The following DIAPH2 variants were observed in gnomAD, a reference collection of about 807,000 sequenced individuals.
The protein encoded by DIAPH2 is protein diaphanous homolog 2.
A neutral mutation model predicts 92.7 loss-of-function variants in DIAPH2; 35 were observed. The ratio of observed to expected loss-of-function variants is 0.38; its 90% CI spans 0.29 to 0.50. The LOEUF is 0.50. Among genes scored for constraint, DIAPH2 ranks in the 20% least tolerant of loss-of-function variants. DIAPH2 has a pLI of 0.94. For missense variants in DIAPH2, 701 were observed against 819.5 expected, an observed-to-expected ratio of 0.86 and a Z score of 1.77; for synonymous variants, 301 against 280.4, an observed-to-expected ratio of 1.07 and a Z score of -0.73.
Position 97,149,297 on chromosome X carries a change from T to C in DIAPH2, c.2719+7503T>C, listed in dbSNP as rs143391425. On this transcript the variant is annotated intron_variant, in intron 22 of 26. Coordinates refer to ENST00000324765, the MANE Select transcript of DIAPH2 (RefSeq NM_006729.5). ...ACTTTTTAGAAGCACAGAATGATAA[T>C]ATACCAATGTGACAAAATGTTAGTA... Among the ~76,000 whole-genome samples, 490 of 111,935 alleles carry C rather than the reference T, an allele frequency of 4.4e-3. 1 individual carries two copies. The highest frequency in any genetic ancestry group is 6.5e-3 in the Non-Finnish European group (346 of 53,180).
rs186148412 is a variant in DIAPH2, at chrX:97,523,760, T to A, written c.3242-75493T>A. Among the ~76,000 whole-genome samples, 9 of 111,804 alleles carry A rather than the reference T, an allele frequency of 8.0e-5. No homozygotes were observed. In the East Asian group the frequency reaches 2.5e-3, roughly 31 times the overall value. On this transcript the variant is annotated intron_variant, in intron 26 of 26. Transcript: ENST00000324765. ...TGTGGTTTCCATTTTGTAATTTTTTTATGATCTATTTCATTTCTGTTTTCT... is the reference window on the plus strand; with the variant it reads ...TGTGGTTTCCATTTTGTAATTTTTTAATGATCTATTTCATTTCTGTTTTCT...
At chrX:97,115,423 C>G (rs780279608) in intron 21 of DIAPH2, among the ~76,000 whole-genome samples, 19 of 110,627 alleles carry the variant, frequency 1.7e-4, no homozygotes, top group Non-Finnish European at 3.2e-4. Flanking sequence ...GTAATCCCAG[C>G]TACTCTGGAG....
chrX:97,536,288 C>T (rs1447843137), intron 26 of DIAPH2, among the ~76,000 whole-genome samples: 1 of 111,934 alleles, frequency 8.9e-6, no homozygotes, highest in African/African-American at 3.2e-5. Flanking sequence ...TGGAATTTTC[C>T]ATGAAGAGCC....
chrX:97,569,165 ATAAAAT>A (rs1049972093), intron 26 of DIAPH2, among the ~76,000 whole-genome samples: 61 of 111,932 alleles, frequency 5.4e-4, no homozygotes, highest in African/African-American at 1.9e-3. Flanking sequence ...CCATATATAA[ATAAAAT>A]TAAGGTAAGG....
chrX:97,392,394 G>T (rs1478277357), intron 25 of DIAPH2, among the ~76,000 whole-genome samples: 2 of 111,868 alleles, frequency 1.8e-5, no homozygotes, highest in African/African-American at 6.5e-5. Context: ...TTTTGTCAGA[G>T]AAATAAAATA....
At chrX:97,103,099 T>G (rs1002141823) in intron 20 of DIAPH2, among the ~76,000 whole-genome samples, 7 of 112,179 alleles carry the variant, frequency 6.2e-5, no homozygotes, top group African/African-American at 2.3e-4. Flanking sequence ...TGTGGGTGTG[T>G]ATGTGATGCT....
intron 22 of DIAPH2, among the ~76,000 whole-genome samples, chrX:97,206,865 C>G (rs2067801050): frequency 9.0e-6 from 1 of 111,672 alleles, no homozygotes; most frequent in Non-Finnish European, 1.9e-5. Context: ...ATATTAAAAG[C>G]ATCCTTTCCA....
At chrX:96,736,035 T>C (rs2064085528) in intron 2 of DIAPH2, among the ~76,000 whole-genome samples, 1 of 111,856 alleles carries the variant, frequency 8.9e-6, no homozygotes, top group African/African-American at 3.2e-5. Flanking sequence ...TTTTTTAAAA[T>C]CTTGTGAATC....
intron 22 of DIAPH2, among the ~76,000 whole-genome samples, chrX:97,226,037 G>T (rs996961927): frequency 1.3e-4 from 15 of 111,605 alleles, no homozygotes; most frequent in African/African-American, 4.9e-4. Context: ...GATGTACTTA[G>T]CAGGATAAGA....
intron 23 of DIAPH2, among the ~76,000 whole-genome samples, chrX:97,329,753 A>G (rs1045137383): frequency 2.7e-5 from 3 of 110,291 alleles, no homozygotes; most frequent in Non-Finnish European, 5.7e-5. Context: ...CTCTAATTCC[A>G]TTGCTGTTTT....
At chrX:97,579,993 G>T (rs750355544) in intron 26 of DIAPH2, among the ~76,000 whole-genome samples, 17 of 111,037 alleles carry the variant, frequency 1.5e-4, no homozygotes, top group South Asian at 7.8e-4. Context: ...GTATAGGAAT[G>T]CTTGTGATTT....
intron 23 of DIAPH2, among the ~76,000 whole-genome samples, chrX:97,273,699 G>C (rs1367438715): frequency 2.7e-5 from 3 of 111,688 alleles, no homozygotes; most frequent in Non-Finnish European, 5.6e-5. Flanking sequence ...CAGTTTAGGG[G>C]GGATTTGTAC....
intron 9 of DIAPH2, among the ~76,000 whole-genome samples, chrX:96,926,748 C>T (rs761382206): frequency 9.0e-6 from 1 of 111,342 alleles, no homozygotes; most frequent in South Asian, 3.7e-4. Flanking sequence ...ATATGCATCT[C>T]ATGTTGAAAT....
At chrX:97,220,098 T>C (rs2067912599) in intron 22 of DIAPH2, among the ~76,000 whole-genome samples, 1 of 111,721 alleles carries the variant, frequency 9.0e-6, no homozygotes, top group Non-Finnish European at 1.9e-5. Context: ...CTATATTTAT[T>C]GCCAAGCTGC....
intron 26 of DIAPH2, among the ~76,000 whole-genome samples, chrX:97,598,901 T>C (rs1041893354): frequency 8.9e-6 from 1 of 112,282 alleles, no homozygotes; most frequent in Admixed American, 9.4e-5. Context: ...TGAAGTGCTT[T>C]CCAACAAAAG....
At chrX:96,988,704 T>TACATACA (rs1180117312) in intron 17 of DIAPH2, among the ~76,000 whole-genome samples, 1 of 111,791 alleles carries the variant, frequency 8.9e-6, no homozygotes, top group African/African-American at 3.2e-5. Context: ...GGCTTTATCA[T>TACATACA]TAACCTTTGC....
intron 22 of DIAPH2, among the ~76,000 whole-genome samples, chrX:97,242,976 T>C (rs5921695): frequency 0.13 from 14,033 of 106,927 alleles, 1,684 homozygotes; most frequent in African/African-American, 0.38. Flanking sequence ...TTAGTAGAGA[T>C]GGGGTTTCAC....
At chrX:97,458,305 C>CT (rs199660141) in intron 26 of DIAPH2, among the ~76,000 whole-genome samples, 2,866 of 92,086 alleles carry the variant, frequency 0.031, 93 homozygotes, top group African/African-American at 0.081. Flanking sequence ...TTCTTTCGTT[C>CT]TTTTTTTTTT....
At chrX:97,392,224 T>C (rs1158086631) in intron 25 of DIAPH2, among the ~76,000 whole-genome samples, 39 of 111,640 alleles carry the variant, frequency 3.5e-4, no homozygotes, top group South Asian at 3.8e-4. Flanking sequence ...TCACCTCTTA[T>C]AGTTTTAGTG....
Sources: allele counts gnomAD v4.1 joint callset (sites outside exome capture counted in the v4.1 genomes callset), GRCh38; gene constraint gnomAD v4.1.1; transcripts MANE v1.5; gene names NCBI Gene and HGNC (gene_info 2026-07-23, HGNC 2026-07-21).